Variants in FBXO39 observed in about 807,000 individuals in gnomAD.
FBXO39 encodes F-box protein 39, also known as F-box only protein 39.
Under a neutral mutation model 36.6 loss-of-function variants are expected in FBXO39, and 22 were observed. That is an observed-to-expected ratio of 0.60 (90% CI 0.43 to 0.86). FBXO39 has a LOEUF of 0.86. FBXO39 is among the 40% of genes least tolerant of loss of function. The pLI, the probability that FBXO39 is intolerant of heterozygous loss-of-function variation, is 0.00. For synonymous variants in FBXO39, 206 were observed against 205.8 expected (o/e 1.00, Z -0.01); for missense variants, 536 against 543.9 (o/e 0.99, Z 0.14).
At chr17:6,777,182 G>A (rs1286247295) in intron 1 of FBXO39, among the ~76,000 whole-genome samples, 1 of 152,030 alleles carries the variant, frequency 6.6e-6, no homozygotes, top group Non-Finnish European at 1.5e-5. Flanking sequence ...ATGGTGGTTT[G>A]CTGCACCCAT....
At chr17:6,787,149 AC>A (rs1234550384) in intron 3 of FBXO39, 150 bp from the exon 4 acceptor site, 13 of 1,368,542 alleles carry the variant, frequency 9.5e-6, no homozygotes, top group Non-Finnish European at 1.3e-5. Flanking sequence ...GATTCTGCCA[AC>A]ATATTTTCCT....
At chr17:6,776,360 T>TGGGATGCCCCGAGGCCCGCGGC (rs1976409275) in intron 1 of FBXO39, 88 bp downstream of exon 1, 1 of 152,262 alleles carries the variant, frequency 6.6e-6, no homozygotes, top group South Asian at 2.1e-4. Context: ...GGGGTGGCGG[T>TGGGATGCCCCGAGGCCCGCGGC]GGGATGCCCC....
rs1330491304 is a variant in FBXO39 at position 6,780,694 on chromosome 17, C to A, written c.826C>A (p.Leu276Met). 1.2e-6 allele frequency: 2 copies of A among 1,614,038 alleles called. No individual in the cohort carries two copies. The highest frequency in any genetic ancestry group is 2.7e-5 in the African/African-American group (2 of 74,922). The change falls in exon 2 of 4, where the codon CTG (leucine) becomes ATG (methionine). Residue 276 changes from leucine to methionine, a missense_variant. By Grantham distance (15) the Leu-to-Met change is conservative (BLOSUM62 2). Coordinates refer to ENST00000321535, the MANE Select transcript of FBXO39 (RefSeq NM_153230.3). ...CATCTGGGGTATGTCCTGGGCCAAG[C>A]TGGCCAGGCAGGCCACCAATCTGAA... is the stretch of plus-strand genomic sequence containing the variant. ...QVIWGMSWAK[L>M]ARQATNLKVN...
intron 1 of FBXO39, among the ~76,000 whole-genome samples, 177 bp downstream of exon 1, chr17:6,776,449 A>T (rs1173868410): frequency 1.4e-4 from 1 of 6,980 alleles, no homozygotes; most frequent in East Asian, 0.011. Context: ...TGCCAGGCCA[A>T]CTCCCCCTCC....
Position 6,787,531 on chromosome 17 carries a change from C to T in FBXO39, c.*103C>T. ...TGCCGGCCCTTTTGCTCCTCTCTCTCCCCTCCACTTTTTTTTTTTGTCAGC... is the reference window on the plus strand; with the variant it reads ...TGCCGGCCCTTTTGCTCCTCTCTCTTCCCTCCACTTTTTTTTTTTGTCAGC... On this transcript the variant is annotated 3_prime_UTR_variant, in exon 4 of 4. Coordinates refer to ENST00000321535, the MANE Select transcript of FBXO39 (RefSeq NM_153230.3). 7.1e-7 allele frequency: 1 copy of T among 1,404,116 alleles called. No individual in the cohort carries two copies. The allele number at this position is 1,404,116 out of a possible 1,614,324, so 87.0% of individuals were successfully genotyped here.
Position 6,780,725 on chromosome 17 carries a change from ACTT to A in FBXO39, c.864_866del (p.Phe289del), listed in dbSNP as rs770602614. The A allele has an allele frequency of 4.6e-5, 75 of 1,614,012 alleles. No homozygotes were observed. Among genetic ancestry groups the A allele is most frequent in the Non-Finnish European group, 5.5e-5 (65 of 1,180,022 alleles). On this transcript the variant is annotated inframe_deletion, in exon 2 of 4. Coordinates refer to ENST00000321535, the MANE Select transcript of FBXO39 (RefSeq NM_153230.3). ...AGGCAGGCCACCAATCTGAAGGTGA[ACTT>A]CTTCTTTGAACGGATCATGAAGTAC...
intron 2 of FBXO39, among the ~76,000 whole-genome samples, chr17:6,781,202 C>T (rs1004637516): frequency 3.9e-5 from 6 of 152,200 alleles, no homozygotes; most frequent in Non-Finnish European, 8.8e-5. Context: ...AGGCGAATAG[C>T]GGCTGGGCTG....
At chr17:6,785,457 C>A in intron 2 of FBXO39, among the ~76,000 whole-genome samples, 1 of 152,104 alleles carries the variant, frequency 6.6e-6, no homozygotes, top group Middle Eastern at 3.2e-3. Flanking sequence ...GAGCAATACC[C>A]ACAAGCACAG....
chr17:6,778,871 G>A (rs1037887769), intron 1 of FBXO39, among the ~76,000 whole-genome samples: 7 of 152,070 alleles, frequency 4.6e-5, no homozygotes, highest in Non-Finnish European at 7.4e-5. Context: ...TTACCAAATC[G>A]TGTCTTCTAA....
rs138181464 is a variant in FBXO39 at position 6,787,253 on chromosome 17, T to TGTGTGTGTGCGCGC, written c.1201-46_1201-45insTGTGTGTGCGCGCG. The TGTGTGTGTGCGCGC allele has an allele frequency of 2.1e-5, 32 of 1,552,086 alleles. No homozygotes were observed. The African/African-American group carries it at 4.5e-4, about 22-fold the overall frequency. On this transcript the variant is annotated intron_variant, in intron 3 of 3. Coordinates refer to ENST00000321535, the MANE Select transcript of FBXO39 (RefSeq NM_153230.3). Reference sequence around the variant, plus strand: ...GTGTGTGTGTATGTGTGTGTGTGTGTGCGTGTGTGCGTGCTCATATGTGGA... The same window carrying TGTGTGTGTGCGCGC: ...GTGTGTGTGTATGTGTGTGTGTGTGTGTGTGTGTGCGCGCGCGTGTGTGCGTGCTCATATGTGGA...
At chr17:6,784,441 C>T (rs1194345428) in intron 2 of FBXO39, among the ~76,000 whole-genome samples, 1 of 151,608 alleles carries the variant, frequency 6.6e-6, no homozygotes, top group African/African-American at 2.4e-5. Flanking sequence ...ATAAAGGGCA[C>T]CCAAATAGAA....
At chr17:6,777,843 G>C (rs957504604) in intron 1 of FBXO39, among the ~76,000 whole-genome samples, 6 of 152,190 alleles carry the variant, frequency 3.9e-5, no homozygotes, top group Non-Finnish European at 1.5e-5. Context: ...CCACTAGGGC[G>C]CCACGTCATG....
intron 2 of FBXO39, among the ~76,000 whole-genome samples, chr17:6,783,110 C>T (rs866257356): frequency 2.4e-4 from 36 of 151,992 alleles, no homozygotes; most frequent in Admixed American, 6.5e-4. Context: ...AAATTAATAA[C>T]GAGAAACTTT....
At chr17:6,778,054 G>A (rs1288420901) in intron 1 of FBXO39, among the ~76,000 whole-genome samples, 2 of 152,204 alleles carry the variant, frequency 1.3e-5, no homozygotes, top group African/African-American at 4.8e-5. Flanking sequence ...TGTGGTGTTG[G>A]TGGGAGCTGG....
Position 6,780,810 on chromosome 17 carries a change from A to C in FBXO39, c.942A>C (p.Arg314Ser), listed in dbSNP as rs750071463. The C allele has an allele frequency of 1.2e-6, 2 of 1,614,084 alleles. No homozygotes were observed. Among genetic ancestry groups the C allele is most frequent in the Non-Finnish European group, 1.7e-6 (2 of 1,180,022 alleles). ...QEIPIRSISL[R>S]SCYFSDPDCS... The stretch of plus-strand genomic sequence containing the variant: ...TCCCGATCAGGAGCATCAGTCTGAG[A>C]AGCTGCTATTTCAGTGACCCAGACT... Residue 314 changes from arginine to serine, a missense_variant, in exon 2 of 4, where the codon AGA becomes AGC. Physicochemically the swap from Arg to Ser is moderately radical, Grantham distance 110 (BLOSUM62 -1). Transcript: ENST00000321535.
In FBXO39 at chr17:6,779,771, C is replaced by G; in HGVS notation, c.-80-18C>G. The G allele has an allele frequency of 7.7e-7, 1 of 1,293,220 alleles. No individual in the cohort carries two copies. The highest frequency in any genetic ancestry group is 1.1e-6 in the Non-Finnish European group (1 of 937,488). The allele number at this position is 1,293,220 out of a possible 1,614,324, so 80.1% of individuals were successfully genotyped here. The stretch of plus-strand genomic sequence containing the variant: ...CTCTGTTTGACAGGTAATGGCTCTT[C>G]CTTTTTATTCCCCACAGAAAGCAAG... On this transcript the variant is annotated intron_variant, in intron 1 of 3. Coordinates refer to ENST00000321535, the MANE Select transcript of FBXO39 (RefSeq NM_153230.3).
Position 6,786,928 on chromosome 17 carries a change from A to G in FBXO39, c.1172A>G (p.Glu391Gly), listed in dbSNP as rs1289063658. The change falls in exon 3 of 4, where the codon GAA (glutamate) becomes GGA (glycine). Residue 391 changes from glutamate (E) to glycine (G), a missense_variant. By Grantham distance (98) the Glu-to-Gly change is moderately conservative. Transcript: ENST00000321535. ...GAGCGGATCCTGAAGAGTCAGAAAGAACGGCAGTGTGCCCTGCGTGTATTC... is the reference window on the plus strand; with the variant it reads ...GAGCGGATCCTGAAGAGTCAGAAAGGACGGCAGTGTGCCCTGCGTGTATTC... ...FVERILKSQK[E>G]RQCALRVFKA... The G allele has an allele frequency of 1.2e-6, 2 of 1,613,848 alleles. No homozygotes were observed. The highest frequency in any genetic ancestry group is 2.7e-5 in the African/African-American group (2 of 74,942).
At chr17:6,784,847 A>G (rs1180895240) in intron 2 of FBXO39, among the ~76,000 whole-genome samples, 1 of 152,000 alleles carries the variant, frequency 6.6e-6, no homozygotes, top group Non-Finnish European at 1.5e-5. Context: ...AAAGCCATCT[A>G]CAGATTCAGT....
At chr17:6,778,307 A>G (rs1375295674) in intron 1 of FBXO39, among the ~76,000 whole-genome samples, 2 of 152,254 alleles carry the variant, frequency 1.3e-5, no homozygotes, top group African/African-American at 2.4e-5. Context: ...AATGGAACAC[A>G]TGAATAAATA....
Sources: allele counts gnomAD v4.1 joint callset (sites outside exome capture counted in the v4.1 genomes callset), GRCh38; gene constraint gnomAD v4.1.1; transcripts MANE v1.5; gene names NCBI Gene and HGNC (gene_info 2026-07-23, HGNC 2026-07-21).